The following VWA5B1 variants were observed in gnomAD, a reference collection of about 807,000 sequenced individuals.
The protein encoded by VWA5B1 is von Willebrand factor A domain containing 5B1, also known as von Willebrand factor A domain-containing protein 5B1.
In VWA5B1, 115 loss-of-function variants were observed where a neutral mutation model predicts 118.2. The ratio of observed to expected loss-of-function variants is 0.97; its 90% CI spans 0.84 to 1.14. The LOEUF (loss-of-function observed/expected upper bound fraction) is 1.14. VWA5B1 is among the 50% of genes most tolerant of loss of function. VWA5B1 has a pLI of 0.00. For missense variants in VWA5B1, 1,596 were observed against 1,603.8 expected (o/e 1.00, Z 0.08); for synonymous variants, 682 against 658.4 (o/e 1.04, Z -0.55).
chr1:20,298,361 T>C (rs1373062801), intron 1 of VWA5B1, among the ~76,000 whole-genome samples: 1 of 152,140 alleles, frequency 6.6e-6, no homozygotes, highest in East Asian at 1.9e-4. Flanking sequence ...TCTTCACTGC[T>C]TACAATTCCA....
intron 16 of VWA5B1, among the ~76,000 whole-genome samples, chr1:20,344,383 C>T (rs1182777790): frequency 6.6e-6 from 1 of 152,210 alleles, no homozygotes; most frequent in East Asian, 1.9e-4. Flanking sequence ...TGTGGATCTG[C>T]TGGGGGCCAG....
At chr1:20,350,776 C>A (rs965939126) in intron 19 of VWA5B1, 81 bp from the exon 20 acceptor site, 28 of 1,353,886 alleles carry the variant, frequency 2.1e-5, no homozygotes, top group Non-Finnish European at 2.8e-5. Context: ...CCTCTCTAGG[C>A]CTCTGTTCCC....
chr1:20,343,099 G>A lies in VWA5B1; in HGVS notation c.2332G>A (p.Ala778Thr), dbSNP rs1470064131. 1 of 1,529,552 alleles carries A rather than the reference G, an allele frequency of 6.5e-7. No individual in the cohort carries two copies. The highest frequency in any genetic ancestry group is 2.0e-5 in the Admixed American group (1 of 49,670). 94.7% of individuals were successfully genotyped at this position (1,529,552 alleles called of 1,614,324 possible). A position where few individuals can be genotyped will look rare whatever the true frequency, so the allele number is the denominator to read the frequency against. Residue 778 changes from alanine (A) to threonine (T), a missense_variant, in exon 16 of 22, where the codon GCC becomes ACC. Ala to Thr is a moderately conservative substitution (Grantham distance 58). Transcript: ENST00000289815. Reference sequence around the variant, plus strand: ...CGCAGAGCCGTCCCACCATCCCTCTGCCTTCGAGACAGAGACGTCCTCGGA... The same window carrying A: ...CGCAGAGCCGTCCCACCATCCCTCTACCTTCGAGACAGAGACGTCCTCGGA... ...GDLEPSHHPS[A>T]FETETSSDWD...
intron 14 of VWA5B1, 192 bp downstream of exon 14, chr1:20,338,028 TCAATAA>T: frequency 1.4e-6 from 1 of 738,400 alleles, no homozygotes; most frequent in South Asian, 1.5e-5. Flanking sequence ...CACCCACCGG[TCAATAA>T]GCTCGCTCAT....
chr1:20,314,434 T>A lies in VWA5B1; in HGVS notation c.405T>A (p.Ile135=). The A allele has an allele frequency of 6.4e-7, 1 of 1,551,828 alleles. No individual in the cohort carries two copies. Residue 135 remains isoleucine (I), a synonymous_variant, in exon 4 of 22, where the codon ATT becomes ATA. Coordinates refer to ENST00000289815, the MANE Select transcript of VWA5B1 (RefSeq NM_001039500.3). Reference sequence around the variant, plus strand: ...TGTTCGTGGCCAACCTGGGGACCATTGCCCCCATGGAGAATGTCACCATCT... The same window carrying A: ...TGTTCGTGGCCAACCTGGGGACCATAGCCCCCATGGAGAATGTCACCATCT... The part of the protein sequence containing the change: ...RILFVANLGT[I]APMENVTIFI...
Position 20,319,624 on chromosome 1 carries a change from G to C in VWA5B1, c.966+118G>C, listed in dbSNP as rs1208368932. 9 of 1,425,788 alleles carry C rather than the reference G, an allele frequency of 6.3e-6. No homozygotes were observed. The Admixed American group carries it at 1.3e-4, about 20-fold the overall frequency. 88.3% of individuals were successfully genotyped at this position (1,425,788 alleles called of 1,614,324 possible). A position where few individuals can be genotyped will look rare whatever the true frequency, so the allele number is the denominator to read the frequency against. On this transcript the variant is annotated intron_variant, in intron 7 of 21. Transcript: ENST00000289815. ...CTGCCCGAGGTCATCCAGCAAGCTG[G>C]AGGCAGACACCAGGCAAGAAGTGTT...
At chr1:20,318,756 G>T in intron 6 of VWA5B1, 35 bp downstream of exon 6, 1 of 1,447,564 alleles carries the variant, frequency 6.9e-7, no homozygotes, top group Non-Finnish European at 9.1e-7. Flanking sequence ...TGGGCTGCCT[G>T]TGGGAGGGAG....
chr1:20,323,684 C>A, intron 8 of VWA5B1, among the ~76,000 whole-genome samples, 152 bp downstream of exon 8: 1 of 152,168 alleles, frequency 6.6e-6, no homozygotes, highest in East Asian at 1.9e-4. Flanking sequence ...TTTGCATCCC[C>A]ATAAAAACAT....
chr1:20,325,783 G>C (rs1168747208), intron 8 of VWA5B1, among the ~76,000 whole-genome samples: 4 of 152,176 alleles, frequency 2.6e-5, no homozygotes, highest in Non-Finnish European at 5.9e-5. Context: ...GACCCTTTTA[G>C]AGAAAGGCAC....
chr1:20,334,148 T>G (rs1027758906), intron 12 of VWA5B1, among the ~76,000 whole-genome samples: 1 of 152,186 alleles, frequency 6.6e-6, no homozygotes, highest in Non-Finnish European at 1.5e-5. Flanking sequence ...TCAGGAGAAA[T>G]TGGAACTTTA....
At chr1:20,310,446 A>C in intron 1 of VWA5B1, 130 bp from the exon 2 acceptor site, 2 of 881,508 alleles carry the variant, frequency 2.3e-6, no homozygotes, top group Non-Finnish European at 3.2e-6. Flanking sequence ...CTTCCCAGGA[A>C]CTGGGAAGTT....
chr1:20,351,945 G>T, intron 20 of VWA5B1, 110 bp from the exon 21 acceptor site: 3 of 733,442 alleles, frequency 4.1e-6, no homozygotes, highest in Non-Finnish European at 6.7e-6. Context: ...ATCAGATAAG[G>T]AGGCTGGAGG....
In VWA5B1 at chr1:20,332,818, T is replaced by C. The variant is rs770453610; in HGVS notation, c.1625T>C (p.Val542Ala). 1.1e-4 allele frequency: 174 copies of C among 1,551,708 alleles called. No individual in the cohort carries two copies. The highest frequency in any genetic ancestry group is 1.5e-4 in the Non-Finnish European group (168 of 1,147,038). ...GCCCCAGTCCTGAGCGATGTGACTG[T>C]GGAGTGGATCTTCCCTGAGACCACT... ...AMAPVLSDVT[V>A]EWIFPETTEV... The change falls in exon 12 of 22, where the codon GTG becomes GCG. Residue 542 changes from valine to alanine, a missense_variant. Coordinates refer to ENST00000289815, the MANE Select transcript of VWA5B1 (RefSeq NM_001039500.3).
At chr1:20,334,510 A>T (rs2089660029) in intron 12 of VWA5B1, among the ~76,000 whole-genome samples, 1 of 152,172 alleles carries the variant, frequency 6.6e-6, no homozygotes, top group Admixed American at 6.5e-5. Context: ...CCTAGAAATA[A>T]CTAATAAAAT....
At chr1:20,350,349 C>A in intron 19 of VWA5B1, 119 bp downstream of exon 19, 2 of 1,117,936 alleles carry the variant, frequency 1.8e-6, no homozygotes, top group Non-Finnish European at 2.6e-6. Flanking sequence ...CTCAAAGCAG[C>A]CGTCTGCATG....
At chr1:20,330,105 C>G (rs1337772452) in intron 9 of VWA5B1, 75 bp from the exon 10 acceptor site, 1 of 1,497,332 alleles carries the variant, frequency 6.7e-7, no homozygotes, top group Admixed American at 2.0e-5. Flanking sequence ...TCTAGGGAAA[C>G]AAAGTCCTCT....
rs1423735588 is a variant in VWA5B1 at position 20,317,538 on chromosome 1, G to T, written c.572G>T (p.Arg191Met). 1.9e-6 allele frequency: 3 copies of T among 1,551,542 alleles called. No homozygotes were observed. The Admixed American group carries it at 5.9e-5, about 30-fold the overall frequency. The change falls in exon 5 of 22, where the codon AGG becomes ATG. Residue 191 changes from arginine to methionine, a missense_variant. Physicochemically the swap from Arg to Met is moderately conservative, Grantham distance 91 (BLOSUM62 -1). Coordinates refer to ENST00000289815, the MANE Select transcript of VWA5B1 (RefSeq NM_001039500.3). ...TSNQQAQGKDRHCFGAWAPGS... is the reference protein window; with the variant it reads ...TSNQQAQGKDMHCFGAWAPGS... ...CCCCGGCCCTTTTCCAGCAAAGACA[G>T]GCACTGCTTCGGTGCCTGGGCCCCG...
intron 9 of VWA5B1, among the ~76,000 whole-genome samples, chr1:20,329,022 G>A: frequency 6.6e-6 from 1 of 152,152 alleles, no homozygotes; most frequent in East Asian, 1.9e-4. Context: ...TTCCATGCCA[G>A]TAAGTATTAA....
At chr1:20,293,961 G>A (rs953399697) in intron 1 of VWA5B1, among the ~76,000 whole-genome samples, 5 of 152,140 alleles carry the variant, frequency 3.3e-5, no homozygotes, top group Non-Finnish European at 7.4e-5. Context: ...CGCTGGGAGG[G>A]GCAGGAGGTC....
Sources: gnomAD v4.1 joint callset for allele counts (sites outside exome capture counted in the v4.1 genomes callset) on GRCh38, gnomAD v4.1.1 for gene constraint, MANE v1.5 for transcripts, NCBI Gene and HGNC (gene_info 2026-07-23, HGNC 2026-07-21) for gene names.